Variants in GFRA1 observed in about 807,000 individuals in gnomAD.
GFRA1 encodes GDNF family receptor alpha 1, also known as GDNF family receptor alpha-1.
Under a neutral mutation model 51.6 loss-of-function variants are expected in GFRA1, and 16 were observed. The ratio of observed to expected loss-of-function variants is 0.31; its 90% CI spans 0.21 to 0.47. GFRA1 has a LOEUF of 0.47. Among genes scored for constraint, GFRA1 ranks in the 20% least tolerant of loss-of-function variants. The probability of loss-of-function intolerance (pLI) is 1.00; values close to 1 mark genes in which losing one functional copy is unlikely to be tolerated. For missense variants in GFRA1, 530 were observed against 594.3 expected (o/e 0.89, Z 1.13); for synonymous variants, 270 against 241.3 (o/e 1.12, Z -1.10).
At chr10:116,163,603 G>A (rs1272461863) in intron 5 of GFRA1, among the ~76,000 whole-genome samples, 19 of 152,142 alleles carry the variant, frequency 1.2e-4, no homozygotes, top group Non-Finnish European at 1.5e-5. Flanking sequence ...CCATCCCCGC[G>A]GGCTGTGCTG....
rs181566383 is a variant in GFRA1, at chr10:116,149,483, C to T, written c.434-23926G>A. On this transcript the variant is annotated intron_variant, in intron 5 of 10. Coordinates refer to ENST00000355422, the MANE Select transcript of GFRA1 (RefSeq NM_005264.8). ...GGGTGTTAAGCTGTGTTCACGAAAA[C>T]TGCTCACTACACACTGGAGGAAGAA... is the stretch of plus-strand genomic sequence containing the variant. Among the ~76,000 whole-genome samples, 5 of 152,300 alleles carry T rather than the reference C, an allele frequency of 3.3e-5. No individual in the cohort carries two copies. The East Asian group carries it at 7.7e-4, about 24-fold the overall frequency.
At chr10:116,263,438 A>C (rs1969434247) in intron 4 of GFRA1, among the ~76,000 whole-genome samples, 2 of 152,200 alleles carry the variant, frequency 1.3e-5, no homozygotes, top group Non-Finnish European at 2.9e-5. Flanking sequence ...ATGGAACCTG[A>C]GGCACAGTGA....
In GFRA1 at chr10:116,064,250, TAAAAG is replaced by T; in HGVS notation, c.*143_*147del. On this transcript the variant is annotated 3_prime_UTR_variant, in exon 11 of 11. Transcript: ENST00000355422. ...CCCAAAGGATCACAAGAAGCTTTCT[TAAAAG>T]GAAAAAAAAAAAATGTTCCAGTTGA... 1.4e-6 allele frequency: 1 copy of T among 711,668 alleles called. No individual in the cohort carries two copies. The highest frequency in any genetic ancestry group is 1.8e-5 in the South Asian group (1 of 55,528). The allele number at this position is 711,668 out of a possible 1,614,324, so 44.1% of individuals were successfully genotyped here.
At chr10:116,164,629 G>GA (rs1215584492) in intron 5 of GFRA1, among the ~76,000 whole-genome samples, 1 of 152,198 alleles carries the variant, frequency 6.6e-6, no homozygotes, top group Non-Finnish European at 1.5e-5. Context: ...TTTAATGCCA[G>GA]ATCCTATTTA....
At position 116,118,531 on chromosome 10, in the gene GFRA1, C is replaced by T. The variant is rs539982972; in HGVS notation, c.770+6690G>A. ...GCTCCCCTTCTTCTGCTTCACTTCC[C>T]TGCTCCTTGTCCACCAAGGCCTGAT... On this transcript the variant is annotated intron_variant, in intron 6 of 10. Coordinates refer to ENST00000355422, the MANE Select transcript of GFRA1 (RefSeq NM_005264.8). 6.6e-5 allele frequency among the ~76,000 whole-genome samples: 10 copies of T among 152,290 alleles called. No homozygotes were observed. In the South Asian group the frequency reaches 2.1e-3, roughly 32 times the overall value.
At chr10:116,137,390 T>A (rs906848772) in intron 5 of GFRA1, among the ~76,000 whole-genome samples, 3 of 152,124 alleles carry the variant, frequency 2.0e-5, no homozygotes, top group African/African-American at 7.2e-5. Flanking sequence ...AAGCTAAATA[T>A]CAGGTCTTTA....
At chr10:116,149,460 G>T (rs985502416) in intron 5 of GFRA1, among the ~76,000 whole-genome samples, 15 of 152,184 alleles carry the variant, frequency 9.9e-5, no homozygotes, top group Non-Finnish European at 1.5e-4. Context: ...AGCTGAAGGG[G>T]TGTTAAGCTG....
At chr10:116,175,868 C>G (rs1961533337) in intron 5 of GFRA1, among the ~76,000 whole-genome samples, 1 of 152,148 alleles carries the variant, frequency 6.6e-6, no homozygotes, top group Admixed American at 6.5e-5. Context: ...TTCAACTTTG[C>G]AGGACCTAAG....
chr10:116,259,444 C>A lies in GFRA1; in HGVS notation c.418+10059G>T, dbSNP rs77919785. ...TCTCACACTGAAATGAAAAAAGATA[C>A]AATCCAGAAATTGCTTCTTTGGTTA... On this transcript the variant is annotated intron_variant, in intron 4 of 10. Coordinates refer to ENST00000355422, the MANE Select transcript of GFRA1 (RefSeq NM_005264.8). 3.3e-5 allele frequency among the ~76,000 whole-genome samples: 5 copies of A among 151,672 alleles called. No homozygotes were observed. The South Asian group carries it at 6.3e-4, about 19-fold the overall frequency.
chr10:116,065,574 T>G lies in GFRA1; in HGVS notation c.1250A>C (p.Asn417Thr), dbSNP rs1360000300. 1 of 1,611,886 alleles carries G rather than the reference T, an allele frequency of 6.2e-7. No homozygotes were observed. Among genetic ancestry groups the G allele is most frequent in the East Asian group, 2.2e-5 (1 of 44,838 alleles). The change falls in exon 10 of 11, where the codon AAT (asparagine) becomes ACT (threonine). Residue 417 changes from asparagine (N) to threonine (T), a missense_variant and splice_region_variant. By Grantham distance (65) the Asn-to-Thr change is moderately conservative (BLOSUM62 0). Transcript: ENST00000355422. ...AGCCTCCAAAAGAAACATACTTACATTGGAAATACAGAGGTGTGTATTGCC... is the reference window on the plus strand; with the variant it reads ...AGCCTCCAAAAGAAACATACTTACAGTGGAAATACAGAGGTGTGTATTGCC... ...VSGNTHLCIS[N>T]GNYEKEGLGA...
At chr10:116,115,159 C>T (rs776102917) in intron 6 of GFRA1, among the ~76,000 whole-genome samples, 5 of 152,136 alleles carry the variant, frequency 3.3e-5, no homozygotes, top group Non-Finnish European at 5.9e-5. Flanking sequence ...TTGGAAATGA[C>T]GAGCAATTTC....
chr10:116,248,116 C>G (rs1968015965), intron 4 of GFRA1, among the ~76,000 whole-genome samples: 1 of 152,218 alleles, frequency 6.6e-6, no homozygotes, highest in Non-Finnish European at 1.5e-5. Flanking sequence ...GGGGAGCCGA[C>G]TGTGTGCTCC....
intron 5 of GFRA1, among the ~76,000 whole-genome samples, chr10:116,143,741 T>C (rs1178941008): frequency 6.6e-6 from 1 of 151,928 alleles, no homozygotes; most frequent in Non-Finnish European, 1.5e-5. Flanking sequence ...GAGCCACAGA[T>C]GGGAAATTAA....
chr10:116,082,843 T>TG (rs908864355), intron 9 of GFRA1, among the ~76,000 whole-genome samples: 3 of 152,138 alleles, frequency 2.0e-5, no homozygotes, highest in African/African-American at 7.2e-5. Flanking sequence ...TCTTCCTCTG[T>TG]GGCCCCCCTG....
chr10:116,186,436 C>A (rs973818490), intron 5 of GFRA1, among the ~76,000 whole-genome samples: 38 of 152,276 alleles, frequency 2.5e-4, no homozygotes, highest in African/African-American at 8.7e-4. Context: ...TGCCAACAGT[C>A]AATTGAGCAG....
chr10:116,234,552 C>G (rs1000184375), intron 4 of GFRA1, among the ~76,000 whole-genome samples: 2 of 152,240 alleles, frequency 1.3e-5, no homozygotes, highest in Admixed American at 1.3e-4. Context: ...TCACGGCCCT[C>G]TGGTGGATCA....
Position 116,229,762 on chromosome 10 carries a change from T to C in GFRA1, c.419-18117A>G, listed in dbSNP as rs559727373. ...CATTTTAAGGAAATATGTTACACTG[T>C]TGGGACTCAGTCAATGATGGAAGGC... On this transcript the variant is annotated intron_variant, in intron 4 of 10. Transcript: ENST00000355422. Among the ~76,000 whole-genome samples the C allele has an allele frequency of 2.0e-5, 3 of 152,280 alleles. No homozygotes were observed. The South Asian group carries it at 6.2e-4, about 32-fold the overall frequency.
intron 5 of GFRA1, among the ~76,000 whole-genome samples, chr10:116,200,297 C>T (rs1367715894): frequency 6.6e-6 from 1 of 152,168 alleles, no homozygotes; most frequent in Non-Finnish European, 1.5e-5. Context: ...TTTACTGTTC[C>T]CTTCAAGATG....
chr10:116,129,376 T>C (rs12771201), intron 5 of GFRA1, among the ~76,000 whole-genome samples: 54,233 of 151,636 alleles, frequency 0.36, 9,940 homozygotes, highest in East Asian at 0.4. Flanking sequence ...AGTTTAATAT[T>C]TAAAAATATA....
Sources: allele counts gnomAD v4.1 joint callset (sites outside exome capture counted in the v4.1 genomes callset), GRCh38; gene constraint gnomAD v4.1.1; transcripts MANE v1.5; gene names NCBI Gene and HGNC (gene_info 2026-07-23, HGNC 2026-07-21).